KCNH7: variants seen among roughly 807,000 people sequenced by gnomAD.
KCNH7 encodes voltage-gated inwardly rectifying potassium channel KCNH7.
KCNH7 carries 49 observed loss-of-function variants against 120.8 expected under a neutral mutation model. The observed-to-expected ratio is 0.41, with a 90% confidence interval of 0.32 to 0.51. KCNH7 has a LOEUF of 0.51. KCNH7 is among the 20% of genes least tolerant of loss of function. KCNH7 has a pLI of 0.38. For missense variants in KCNH7, 1,097 were observed against 1,446.6 expected, an observed-to-expected ratio of 0.76 and a Z score of 3.92; for synonymous variants, 547 against 516.1, an observed-to-expected ratio of 1.06 and a Z score of -0.81.
At chr2:162,717,291 T>C (rs1437414809) in intron 2 of KCNH7, among the ~76,000 whole-genome samples, 1 of 152,146 alleles carries the variant, frequency 6.6e-6, no homozygotes, top group African/African-American at 2.4e-5. Context: ...TTACTACTGC[T>C]TTCCCCATTT....
intron 2 of KCNH7, among the ~76,000 whole-genome samples, chr2:162,824,417 G>A (rs759252148): frequency 6.6e-6 from 1 of 152,018 alleles, no homozygotes; most frequent in African/African-American, 2.4e-5. Context: ...CTTCATTGGG[G>A]GGCAAATTCT....
intron 13 of KCNH7, among the ~76,000 whole-genome samples, chr2:162,383,737 T>G (rs997251194): frequency 3.9e-5 from 6 of 152,008 alleles, no homozygotes; most frequent in Admixed American, 2.6e-4. Flanking sequence ...AGGGATATAT[T>G]AAATTATTAA....
At chr2:162,617,973 C>T (rs1156751534) in intron 2 of KCNH7, among the ~76,000 whole-genome samples, 1 of 151,734 alleles carries the variant, frequency 6.6e-6, no homozygotes, top group African/African-American at 2.4e-5. Flanking sequence ...TAAACATAAA[C>T]TTAAAATTTA....
intron 4 of KCNH7, among the ~76,000 whole-genome samples, chr2:162,513,169 CTTCTTTCCCTCCCTCCCTCCCTCCCTCCT>C (rs1691138780): frequency 3.5e-5 from 1 of 28,918 alleles, no homozygotes; most frequent in African/African-American, 5.7e-5. Flanking sequence ...CCCTCCCTCC[CTTCTTTCCCTCCCTCCCTCCCTCCCTCCT>C]TCCCTTCCTC....
At chr2:162,622,846 G>A (rs1683412652) in intron 2 of KCNH7, among the ~76,000 whole-genome samples, 1 of 152,088 alleles carries the variant, frequency 6.6e-6, no homozygotes, top group Non-Finnish European at 1.5e-5. Flanking sequence ...TGAAATTTGT[G>A]CTATGAGTAT....
Position 162,384,797 on chromosome 2 carries a change from T to C in KCNH7, c.2853A>G (p.Gly951=). 3 of 1,612,878 alleles carry C rather than the reference T, an allele frequency of 1.9e-6. No homozygotes were observed. Among genetic ancestry groups the C allele is most frequent in the Non-Finnish European group, 1.7e-6 (2 of 1,179,142 alleles). Residue 951 remains glycine (G), a synonymous_variant, in exon 13 of 16, where the codon GGA becomes GGG. Coordinates refer to ENST00000332142, the MANE Select transcript of KCNH7 (RefSeq NM_033272.4). ...IDDEQKPLFS[G]IVDSSPGIGK... ...CTATTCCTGGAGAAGAGTCTACTATTCCTGAGAAGAGCGGCTTTTGTTCAT... is the reference window on the plus strand; with the variant it reads ...CTATTCCTGGAGAAGAGTCTACTATCCCTGAGAAGAGCGGCTTTTGTTCAT...
At chr2:162,442,237 A>T (rs1209583989) in intron 7 of KCNH7, among the ~76,000 whole-genome samples, 2 of 151,334 alleles carry the variant, frequency 1.3e-5, no homozygotes, top group Admixed American at 1.3e-4. Flanking sequence ...CGTGTTAGAC[A>T]GGATGGTCTC....
chr2:162,413,373 C>T lies in KCNH7; in HGVS notation c.2154+9963G>A, dbSNP rs10168895. On this transcript the variant is annotated intron_variant, in intron 9 of 15. Transcript: ENST00000332142. ...AACTCCTGACCTCAGGTGATCCACC[C>T]GCTTTGGCCTCCCAAAGTGCTGGAA... 4.2e-3 allele frequency among the ~76,000 whole-genome samples: 639 copies of T among 152,168 alleles called. 2 individuals carry two copies. The highest frequency in any genetic ancestry group is 0.014 in the African/African-American group (598 of 41,534).
chr2:162,673,387 A>G (rs1685427435), intron 2 of KCNH7, among the ~76,000 whole-genome samples: 1 of 152,110 alleles, frequency 6.6e-6, no homozygotes, highest in Non-Finnish European at 1.5e-5. Context: ...TTATTTTGAC[A>G]TTAAGAAATC....
intron 2 of KCNH7, among the ~76,000 whole-genome samples, chr2:162,788,860 AG>A (rs1262061091): frequency 6.6e-6 from 1 of 151,996 alleles, no homozygotes; most frequent in Non-Finnish European, 1.5e-5. Context: ...AGACAAACAG[AG>A]GATTATAAAT....
At chr2:162,564,811 G>C (rs981840) in intron 2 of KCNH7, among the ~76,000 whole-genome samples, 78,539 of 151,812 alleles carry the variant, frequency 0.52, 20,554 homozygotes, top group Middle Eastern at 0.62. Flanking sequence ...TAGCATATTC[G>C]TGTCACTATA....
chr2:162,446,997 G>T (rs1688602301), intron 6 of KCNH7, among the ~76,000 whole-genome samples: 1 of 151,984 alleles, frequency 6.6e-6, no homozygotes, highest in African/African-American at 2.4e-5. Context: ...GGGAAAAAAG[G>T]CAAATGAGAT....
At chr2:162,518,309 C>A in intron 3 of KCNH7, 151 bp from the exon 4 acceptor site, 1 of 602,006 alleles carries the variant, frequency 1.7e-6, no homozygotes, top group Non-Finnish European at 2.9e-6. Flanking sequence ...TAGAAAACTT[C>A]TCTGAGACCA....
chr2:162,523,460 A>T (rs1691598531), intron 3 of KCNH7, among the ~76,000 whole-genome samples: 1 of 151,828 alleles, frequency 6.6e-6, no homozygotes. Context: ...TCCTATGGTA[A>T]TGGGGCTTCA....
chr2:162,467,574 G>T (rs1490725733), intron 6 of KCNH7, among the ~76,000 whole-genome samples: 1 of 152,152 alleles, frequency 6.6e-6, no homozygotes, highest in Non-Finnish European at 1.5e-5. Context: ...AGAAGCAGGT[G>T]CTGGCACCAT....
chr2:162,741,137 G>A (rs973488720), intron 2 of KCNH7, among the ~76,000 whole-genome samples: 4 of 151,668 alleles, frequency 2.6e-5, no homozygotes, highest in African/African-American at 9.7e-5. Flanking sequence ...GGGGTATTTA[G>A]TTTCATGTCA....
At chr2:162,823,907 A>ATTTTTTTT (rs1553535331) in intron 2 of KCNH7, among the ~76,000 whole-genome samples, 6 of 150,362 alleles carry the variant, frequency 4.0e-5, no homozygotes, top group Admixed American at 6.6e-5. Flanking sequence ...TTATTTTTTA[A>ATTTTTTTT]TTGCCATATA....
chr2:162,559,399 A>G (rs1482017010), intron 2 of KCNH7, among the ~76,000 whole-genome samples: 1 of 152,216 alleles, frequency 6.6e-6, no homozygotes, highest in African/African-American at 2.4e-5. Flanking sequence ...CAGCAAGATT[A>G]GTGATAAAGG....
intron 2 of KCNH7, among the ~76,000 whole-genome samples, chr2:162,801,043 T>G (rs955424052): frequency 2.0e-5 from 3 of 151,852 alleles, no homozygotes; most frequent in Non-Finnish European, 1.5e-5. Context: ...TTCATGTTTT[T>G]TAAAGCCATG....
Sources: gnomAD v4.1 joint callset for allele counts (sites outside exome capture counted in the v4.1 genomes callset) on GRCh38, gnomAD v4.1.1 for gene constraint, MANE v1.5 for transcripts, NCBI Gene and HGNC (gene_info 2026-07-23, HGNC 2026-07-21) for gene names.